Variants in FADS6 observed in about 807,000 individuals in gnomAD.
FADS6 encodes fatty acid desaturase domain family, member 6.
A neutral mutation model predicts 31.7 loss-of-function variants in FADS6; 28 were observed. The observed-to-expected ratio is 0.88, with a 90% CI of 0.66 to 1.21. FADS6 has a LOEUF of 1.21. Ranked by LOEUF, FADS6 falls within the 50% of genes most tolerant of loss-of-function variation. The pLI is 0.00. For synonymous variants in FADS6, 191 were observed against 213.1 expected (o/e 0.90, Z 0.90); for missense variants, 494 against 504.2 (o/e 0.98, Z 0.19).
At chr17:74,888,529 C>T (rs908671102) in intron 2 of FADS6, among the ~76,000 whole-genome samples, 5 of 152,138 alleles carry the variant, frequency 3.3e-5, no homozygotes, top group South Asian at 2.1e-4. Flanking sequence ...TCCAGGATCA[C>T]GACTTAGGCG....
At chr17:74,892,426 C>A in intron 2 of FADS6, 97 bp downstream of exon 2, 1 of 1,438,320 alleles carries the variant, frequency 7.0e-7, no homozygotes, top group Non-Finnish European at 9.3e-7. Context: ...CCCCCGTGGG[C>A]ACATGCACAG....
intron 1 of FADS6, 91 bp from the exon 2 acceptor site, chr17:74,892,780 T>A: frequency 7.6e-7 from 1 of 1,311,902 alleles, no homozygotes; most frequent in Non-Finnish European, 1.0e-6. Flanking sequence ...GAGCCCAGGC[T>A]AAAGTGGGCT....
Position 74,881,146 on chromosome 17 carries a change from G to A in FADS6, c.702C>T (p.Asn234=), listed in dbSNP as rs775264476. Residue 234 remains asparagine (N), a synonymous_variant, in exon 4 of 6, where the codon AAC becomes AAT. Coordinates refer to ENST00000612771, the MANE Select transcript of FADS6 (RefSeq NM_178128.6). The part of the protein sequence containing the change: ...WLLLNVSGFK[N]PSSALGCMFL... The stretch of plus-strand genomic sequence containing the variant: ...ACATGCAGCCCAGGGCTGAGCTGGG[G>A]TTCTTGAAGCCTGACACGTTCAGGA... 1 of 1,613,466 alleles carries A rather than the reference G, an allele frequency of 6.2e-7. No individual in the cohort carries two copies. The highest frequency in any genetic ancestry group is 8.5e-7 in the Non-Finnish European group (1 of 1,179,706).
chr17:74,884,517 C>T (rs763694219), intron 2 of FADS6, among the ~76,000 whole-genome samples: 2 of 152,146 alleles, frequency 1.3e-5, no homozygotes, highest in Non-Finnish European at 2.9e-5. Context: ...AGAGGTTTCA[C>T]GGGCTCAGCG....
At chr17:74,886,226 G>A (rs1382629667) in intron 2 of FADS6, among the ~76,000 whole-genome samples, 1 of 140,000 alleles carries the variant, frequency 7.1e-6, no homozygotes. Flanking sequence ...GCAACAGAGC[G>A]AGATTCCATC....
At chr17:74,879,720 G>T in intron 4 of FADS6, 137 bp from the exon 5 acceptor site, 1 of 865,156 alleles carries the variant, frequency 1.2e-6, no homozygotes. Context: ...AGGGGCTCCT[G>T]GCCCAGCTCC....
intron 2 of FADS6, among the ~76,000 whole-genome samples, chr17:74,884,074 G>A (rs1184567657): frequency 6.6e-6 from 1 of 152,150 alleles, no homozygotes; most frequent in Non-Finnish European, 1.5e-5. Context: ...TTGTCCCTGG[G>A]AAAAGGAAGA....
At chr17:74,882,436 T>A (rs2038580304) in intron 3 of FADS6, 94 bp downstream of exon 3, 8 of 1,398,218 alleles carry the variant, frequency 5.7e-6, no homozygotes, top group Non-Finnish European at 6.7e-6. Context: ...CGGGCCTTCC[T>A]CTATAAGCAG....
Position 74,883,692 on chromosome 17 carries a change from C to T in FADS6, c.412-982G>A, listed in dbSNP as rs374111527. Among the ~76,000 whole-genome samples the T allele has an allele frequency of 1.3e-3, 205 of 152,238 alleles. 1 individual carries two copies. The highest frequency in any genetic ancestry group is 4.7e-3 in the African/African-American group (195 of 41,516). ...TTTATTCTGTTTTGAGATGGAGTCT[C>T]GCTCTGTTGCCCAGGCTTGAGTGCA... On this transcript the variant is annotated intron_variant, in intron 2 of 5. Coordinates refer to ENST00000612771, the MANE Select transcript of FADS6 (RefSeq NM_178128.6).
At chr17:74,875,315 T>C (rs2038501206), downstream of FADS6, among the ~76,000 whole-genome samples, 1 of 152,194 alleles carries the variant, frequency 6.6e-6, no homozygotes, top group African/African-American at 2.4e-5. Flanking sequence ...AGATAAACAT[T>C]AGCTATTATT....
At chr17:74,887,237 C>T (rs1316952774) in intron 2 of FADS6, among the ~76,000 whole-genome samples, 1 of 152,104 alleles carries the variant, frequency 6.6e-6, no homozygotes, top group African/African-American at 2.4e-5. Context: ...GTGCACACCG[C>T]CACATCCAGC....
At chr17:74,892,304 ACT>A (rs2038697390) in intron 2 of FADS6, among the ~76,000 whole-genome samples, 1 of 152,018 alleles carries the variant, frequency 6.6e-6, no homozygotes, top group Non-Finnish European at 1.5e-5. Context: ...TCATCCTACA[ACT>A]CTCTACCCAT....
In FADS6 at chr17:74,879,527, C is replaced by T. The variant is rs766378328; in HGVS notation, c.837G>A (p.Met279Ile). Residue 279 changes from methionine (M) to isoleucine (I), a missense_variant, in exon 5 of 6, where the codon ATG (methionine) becomes ATA (isoleucine). This residue lies in a region of FADS6 where 454 missense variants were observed against 438.5 expected (regional missense o/e 1.04). Coordinates refer to ENST00000612771, the MANE Select transcript of FADS6 (RefSeq NM_178128.6). The stretch of plus-strand genomic sequence containing the variant: ...GGGCCAGGTTAAGCACCCCCAGGCT[C>T]ATCATGTGAATCCGACGGGGCTTGT... ...RDNKPRRIHMMSLGVLNLARL... is the reference protein window; with the variant it reads ...RDNKPRRIHMISLGVLNLARL... 8 of 1,613,764 alleles carry T rather than the reference C, an allele frequency of 5.0e-6. No individual in the cohort carries two copies. Among genetic ancestry groups the T allele is most frequent in the Non-Finnish European group, 5.9e-6 (7 of 1,179,864 alleles).
rs1316210995 is a variant in FADS6 at position 74,878,084 on chromosome 17, T to C, written c.*247A>G. On this transcript the variant is annotated 3_prime_UTR_variant, in exon 6 of 6. Coordinates refer to ENST00000612771, the MANE Select transcript of FADS6 (RefSeq NM_178128.6). ...TAGTCCTGAGATGAAGTTGCTGAGG[T>C]CCAGACTGACCAGAATGCACAGCCA... 7.4e-7 allele frequency: 1 copy of C among 1,357,574 alleles called. No homozygotes were observed. The highest frequency in any genetic ancestry group is 9.5e-7 in the Non-Finnish European group (1 of 1,053,746). 84.1% of individuals were successfully genotyped at this position (1,357,574 alleles called of 1,614,324 possible).
chr17:74,882,770 G>A, intron 2 of FADS6, 60 bp from the exon 3 acceptor site: 1 of 1,558,570 alleles, frequency 6.4e-7, no homozygotes, highest in Non-Finnish European at 8.6e-7. Flanking sequence ...GAGCAATGCA[G>A]GACCTTTGAG....
chr17:74,887,059 CTTTT>C (rs11385853), intron 2 of FADS6, among the ~76,000 whole-genome samples: 9 of 113,818 alleles, frequency 7.9e-5, no homozygotes, highest in Admixed American at 1.9e-4. Context: ...ACACTCCAGT[CTTTT>C]TTTTTTTTTT....
chr17:74,889,757 G>A (rs891955288), intron 2 of FADS6, among the ~76,000 whole-genome samples: 2 of 145,980 alleles, frequency 1.4e-5, no homozygotes, highest in Non-Finnish European at 3.0e-5. Context: ...TATAATCCCA[G>A]CTATTAGGGA....
chr17:74,882,379 G>T, intron 3 of FADS6, 151 bp downstream of exon 3: 1 of 926,842 alleles, frequency 1.1e-6, no homozygotes, highest in Non-Finnish European at 1.6e-6. Context: ...TCAGCTCCAG[G>T]TCTGAGGCTC....
rs746966565 is a variant in FADS6, at chr17:74,879,482, C to T, written c.882G>A (p.Trp294Ter). 1 of 1,613,964 alleles carries T rather than the reference C, an allele frequency of 6.2e-7. No homozygotes were observed. The highest frequency in any genetic ancestry group is 2.2e-5 in the East Asian group (1 of 44,890). Residue 294 changes from tryptophan (W) to a stop codon, truncating the protein, a stop_gained, in exon 5 of 6, where the codon TGG becomes TGA. Transcript: ENST00000612771. LOFTEE classifies it high-confidence loss of function. ...LNLARLPVLD[W>*]AFGHSIISCH... ...AGCTGATGATCGAGTGGCCGAACGC[C>T]CAGTCCAGCACGGGCAGCCGGGCCA... is the stretch of plus-strand genomic sequence containing the variant.
Sources: allele counts gnomAD v4.1 joint callset (sites outside exome capture counted in the v4.1 genomes callset), GRCh38; gene constraint gnomAD v4.1.1; regional missense constraint gnomAD v4.1.1; transcripts MANE v1.5; gene names NCBI Gene and HGNC (gene_info 2026-07-23, HGNC 2026-07-21).